CHCHD3: variants seen among roughly 807,000 people sequenced by gnomAD.
The protein encoded by CHCHD3 is MICOS complex subunit MIC19.
CHCHD3 carries 20 observed loss-of-function variants against 38.2 expected under a neutral mutation model. The observed-to-expected ratio is 0.52, with a 90% CI of 0.37 to 0.76. CHCHD3 has a LOEUF of 0.76. Among genes scored for constraint, CHCHD3 ranks in the 30% least tolerant of loss-of-function variants. The pLI, the probability that CHCHD3 is intolerant of heterozygous loss-of-function variation, is 0.00. For synonymous variants in CHCHD3, 82 were observed against 100.0 expected (o/e 0.82, Z 1.07); for missense variants, 245 against 279.2 (o/e 0.88, Z 0.87).
At chr7:132,820,562 A>G (rs1807336454) in intron 6 of CHCHD3, among the ~76,000 whole-genome samples, 1 of 150,672 alleles carries the variant, frequency 6.6e-6, no homozygotes. Context: ...TAAATCCAGA[A>G]TGTAGTTTAA....
chr7:132,787,673 C>A (rs1282148213), intron 7 of CHCHD3, among the ~76,000 whole-genome samples: 1 of 152,016 alleles, frequency 6.6e-6, no homozygotes, highest in East Asian at 1.9e-4. Flanking sequence ...ATTAAGGGGA[C>A]AGAACAGAAA....
At chr7:132,974,061 T>C in intron 4 of CHCHD3, 3 of 1,256,964 alleles carry the variant, frequency 2.4e-6, no homozygotes, top group South Asian at 1.3e-5. Context: ...TAATAAATTA[T>C]GTTGAATACA....
intron 6 of CHCHD3, among the ~76,000 whole-genome samples, chr7:132,830,453 C>G (rs528489250): frequency 6.6e-5 from 10 of 152,264 alleles, no homozygotes; most frequent in African/African-American, 2.2e-4. Flanking sequence ...AGATAAGGAT[C>G]AAAGACAACT....
chr7:133,072,549 C>T lies in CHCHD3; in HGVS notation c.82-2320G>A, dbSNP rs1814854602. Among the ~76,000 whole-genome samples the T allele has an allele frequency of 2.0e-5, 3 of 152,076 alleles. No homozygotes were observed. In the South Asian group the frequency reaches 6.2e-4, roughly 32 times the overall value. On this transcript the variant is annotated intron_variant, in intron 1 of 7. Transcript: ENST00000262570. ...ACCCAAAAAGTCTGAGTCTCAAGAT[C>T]CCACTCAAGGCCAGGCATGGTGGCT... is the stretch of plus-strand genomic sequence containing the variant.
At position 133,035,459 on chromosome 7, in the gene CHCHD3, G is replaced by A. The variant is rs777787458; in HGVS notation, c.170-10832C>T. 17 of 1,613,432 alleles carry A rather than the reference G, an allele frequency of 1.1e-5. No individual in the cohort carries two copies. The highest frequency in any genetic ancestry group is 2.2e-5 in the East Asian group (1 of 44,868). On this transcript the variant is annotated intron_variant, in intron 2 of 7. Coordinates refer to ENST00000262570, the MANE Select transcript of CHCHD3 (RefSeq NM_017812.4). This position sits in a 1 kb window ranked among gnomAD's most constrained non-coding sequence, Gnocchi z 4.7. ...TGATGTCAGCCAATGTCACTCGTTC[G>A]CCCACCAGAAAAGTCCTCGTCTTCA... is the stretch of plus-strand genomic sequence containing the variant.
At chr7:132,973,326 T>A in intron 4 of CHCHD3, 2 of 985,406 alleles carry the variant, frequency 2.0e-6, no homozygotes, top group African/African-American at 3.5e-5. Flanking sequence ...CTCCACTACA[T>A]CCTTAGCTTC....
rs1439999247 is a variant in CHCHD3 at position 132,785,256 on chromosome 7, C to T, written c.*381G>A. ...CGCCCCACTCCAATTAATTTAGCCC[C>T]CAACCCCATCCTACTTTGTTAGGGT... On this transcript the variant is annotated 3_prime_UTR_variant, in exon 8 of 8. Coordinates refer to ENST00000262570, the MANE Select transcript of CHCHD3 (RefSeq NM_017812.4). 1 of 202,504 alleles carries T rather than the reference C, an allele frequency of 4.9e-6. No individual in the cohort carries two copies. Among genetic ancestry groups the T allele is most frequent in the Non-Finnish European group, 9.9e-6 (1 of 100,714 alleles). 12.5% of individuals were successfully genotyped at this position (202,504 alleles called of 1,614,324 possible).
intron 6 of CHCHD3, among the ~76,000 whole-genome samples, chr7:132,828,337 G>T (rs1384960998): frequency 1.3e-5 from 2 of 151,896 alleles, no homozygotes; most frequent in Admixed American, 6.6e-5. Flanking sequence ...ACAGTTCCCT[G>T]GTATCTAATG....
At chr7:132,795,050 GT>G (rs1806572010) in intron 7 of CHCHD3, among the ~76,000 whole-genome samples, 1 of 152,216 alleles carries the variant, frequency 6.6e-6, no homozygotes, top group Non-Finnish European at 1.5e-5. Flanking sequence ...GCAGGATGGG[GT>G]CAGCACTCCC....
Position 133,002,496 on chromosome 7 carries a change from T to C in CHCHD3, c.251+22050A>G, listed in dbSNP as rs576166556. Reference sequence around the variant, plus strand: ...TGCTAATGGTAGAAATCCATGATAATTAGGCTTTCATAGTACAAAAATAAT... The same window carrying C: ...TGCTAATGGTAGAAATCCATGATAACTAGGCTTTCATAGTACAAAAATAAT... On this transcript the variant is annotated intron_variant, in intron 3 of 7. Coordinates refer to ENST00000262570, the MANE Select transcript of CHCHD3 (RefSeq NM_017812.4). Among the ~76,000 whole-genome samples, 3 of 152,174 alleles carry C rather than the reference T, an allele frequency of 2.0e-5. No individual in the cohort carries two copies. In the East Asian group the frequency reaches 5.8e-4, roughly 29 times the overall value.
chr7:133,072,942 G>C (rs1341890111), intron 1 of CHCHD3, among the ~76,000 whole-genome samples: 1 of 151,878 alleles, frequency 6.6e-6, no homozygotes, highest in Non-Finnish European at 1.5e-5. Flanking sequence ...TCCATTTCAA[G>C]TAACTGAGTG....
At chr7:133,004,575 G>A (rs1310521458) in intron 3 of CHCHD3, among the ~76,000 whole-genome samples, 9 of 152,162 alleles carry the variant, frequency 5.9e-5, no homozygotes, top group Admixed American at 5.9e-4. Context: ...GGCCAGAGCA[G>A]GAGGACCACT....
At chr7:132,955,173 G>GGGGAGTGT (rs138213006) in intron 4 of CHCHD3, among the ~76,000 whole-genome samples, 1 of 126,226 alleles carries the variant, frequency 7.9e-6, no homozygotes, top group Non-Finnish European at 1.6e-5. Flanking sequence ...TCCCTCAGAG[G>GGGGAGTGT]GTGTGTGTGT....
intron 5 of CHCHD3, among the ~76,000 whole-genome samples, chr7:132,875,345 AT>A (rs1346148689): frequency 6.6e-6 from 1 of 152,202 alleles, no homozygotes; most frequent in African/African-American, 2.4e-5. Flanking sequence ...TCCAAGGTTT[AT>A]TATGTGCCAG....
At chr7:132,872,076 G>A (rs747577888) in intron 5 of CHCHD3, among the ~76,000 whole-genome samples, 22 of 152,164 alleles carry the variant, frequency 1.4e-4, no homozygotes, top group Non-Finnish European at 3.1e-4. Context: ...TTAAAAGTAC[G>A]GCTGGCTTGA....
intron 1 of CHCHD3, among the ~76,000 whole-genome samples, chr7:133,073,442 T>C (rs1814886379): frequency 6.6e-6 from 1 of 152,188 alleles, no homozygotes; most frequent in Non-Finnish European, 1.5e-5. Context: ...CACACTGAAG[T>C]GCCTAATGAA....
intron 5 of CHCHD3, among the ~76,000 whole-genome samples, chr7:132,884,698 G>T (rs1479914303): frequency 6.6e-6 from 1 of 152,128 alleles, no homozygotes; most frequent in Non-Finnish European, 1.5e-5. Flanking sequence ...CAACCTCATG[G>T]TCTATGTATG....
intron 4 of CHCHD3, among the ~76,000 whole-genome samples, chr7:132,959,690 T>G (rs1562921628): frequency 7.6e-6 from 1 of 131,390 alleles, no homozygotes; most frequent in Admixed American, 9.3e-5. Context: ...GCCACTGTAC[T>G]CCAGCCTGGG....
At chr7:132,817,472 A>G (rs1360282755) in intron 6 of CHCHD3, among the ~76,000 whole-genome samples, 3 of 152,058 alleles carry the variant, frequency 2.0e-5, no homozygotes, top group African/African-American at 4.8e-5. Context: ...AAAAGGTCCA[A>G]TTGAGAAAGA....
Sources: allele counts gnomAD v4.1 joint callset (sites outside exome capture counted in the v4.1 genomes callset), GRCh38; gene constraint gnomAD v4.1.1; non-coding constraint Gnocchi (gnomAD v3.1); transcripts MANE v1.5; gene names NCBI Gene and HGNC (gene_info 2026-07-23, HGNC 2026-07-21).